Variants in SOCS5 observed in about 807,000 individuals in gnomAD.
SOCS5 encodes suppressor of cytokine signaling 5, also known as CIS-6.
SOCS5 carries 32 observed loss-of-function variants against 42.8 expected under a neutral mutation model. The observed-to-expected ratio is 0.75, with a 90% CI of 0.56 to 1.01. The LOEUF is 1.01. SOCS5 is among the 50% of genes least tolerant of loss of function. SOCS5 has a pLI of 0.00. For missense variants in SOCS5, 627 were observed against 653.0 expected (o/e 0.96, Z 0.43); for synonymous variants, 283 against 229.6 (o/e 1.23, Z -2.10).
At chr2:46,738,918 A>G (rs1264678440) in intron 1 of SOCS5, among the ~76,000 whole-genome samples, 2 of 152,230 alleles carry the variant, frequency 1.3e-5, no homozygotes, top group East Asian at 1.9e-4. Context: ...CAGAACCAGG[A>G]TAAGAACGCA....
intron 1 of SOCS5, among the ~76,000 whole-genome samples, chr2:46,715,731 T>G (rs544662987): frequency 7.9e-5 from 12 of 152,368 alleles, no homozygotes; most frequent in Non-Finnish European, 1.5e-4. Flanking sequence ...TTTTAAGATT[T>G]CGTTTGTATC....
At position 46,760,192 on chromosome 2, in the gene SOCS5, G is replaced by A. The variant is rs775757336; in HGVS notation, c.*51G>A. The A allele has an allele frequency of 2.2e-5, 30 of 1,350,496 alleles. No homozygotes were observed. The highest frequency in any genetic ancestry group is 2.9e-5 in the Non-Finnish European group (28 of 961,384). The allele number at this position is 1,350,496 out of a possible 1,614,324, so 83.7% of individuals were successfully genotyped here. On this transcript the variant is annotated 3_prime_UTR_variant, in exon 2 of 2. Coordinates refer to ENST00000394861, the MANE Select transcript of SOCS5 (RefSeq NM_144949.3). ...ACTAGGTCCGCTTTCATGTGCATCA[G>A]ACAGTACACCTATAGCAAGCACACG... is the stretch of plus-strand genomic sequence containing the variant.
At chr2:46,721,232 T>TTA (rs1368232332) in intron 1 of SOCS5, among the ~76,000 whole-genome samples, 1 of 152,172 alleles carries the variant, frequency 6.6e-6, no homozygotes, top group Non-Finnish European at 1.5e-5. Context: ...TATTTAGATG[T>TTA]TATTCCCTAA....
At chr2:46,701,042 A>T (rs1320934142) in intron 1 of SOCS5, among the ~76,000 whole-genome samples, 1 of 152,214 alleles carries the variant, frequency 6.6e-6, no homozygotes, top group Non-Finnish European at 1.5e-5. Context: ...TTCTTGAATA[A>T]CTAATGGATA....
At chr2:46,722,452 T>G (rs1008514022) in intron 1 of SOCS5, among the ~76,000 whole-genome samples, 1 of 152,172 alleles carries the variant, frequency 6.6e-6, no homozygotes, top group Non-Finnish European at 1.5e-5. Context: ...CAAGCTGGCT[T>G]CTTTTATTCA....
At chr2:46,726,437 A>G (rs995300741) in intron 1 of SOCS5, among the ~76,000 whole-genome samples, 8 of 152,090 alleles carry the variant, frequency 5.3e-5, no homozygotes, top group African/African-American at 1.9e-4. Context: ...GTGCTTCTAG[A>G]ATCTGATATA....
chr2:46,728,750 T>G (rs1673048152), intron 1 of SOCS5, among the ~76,000 whole-genome samples: 1 of 152,198 alleles, frequency 6.6e-6, no homozygotes, highest in African/African-American at 2.4e-5. Flanking sequence ...GAGATGGGGC[T>G]TCTCCATGTT....
chr2:46,741,913 C>G (rs866319552), intron 1 of SOCS5, among the ~76,000 whole-genome samples: 1 of 152,138 alleles, frequency 6.6e-6, no homozygotes, highest in Non-Finnish European at 1.5e-5. Context: ...AATTGGGAAG[C>G]CTTAGATAGA....
chr2:46,717,573 G>C (rs1048837270), intron 1 of SOCS5, among the ~76,000 whole-genome samples: 1 of 151,412 alleles, frequency 6.6e-6, no homozygotes, highest in Admixed American at 6.6e-5. Context: ...GTAATCTTCC[G>C]GTTTATATTA....
chr2:46,729,949 C>T (rs1297113167), intron 1 of SOCS5, among the ~76,000 whole-genome samples: 1 of 152,080 alleles, frequency 6.6e-6, no homozygotes, highest in African/African-American at 2.4e-5. Flanking sequence ...ATTCTATAAG[C>T]TTTTTTCTGT....
intron 1 of SOCS5, among the ~76,000 whole-genome samples, chr2:46,751,806 A>G (rs1385416394): frequency 6.6e-6 from 1 of 151,976 alleles, no homozygotes; most frequent in Non-Finnish European, 1.5e-5. Context: ...TTGGCAAACT[A>G]TGGCGTATGG....
Position 46,713,183 on chromosome 2 carries a change from C to T in SOCS5, c.-13+13734C>T, listed in dbSNP as rs569728232. Among the ~76,000 whole-genome samples, 14 of 152,194 alleles carry T rather than the reference C, an allele frequency of 9.2e-5. No homozygotes were observed. The East Asian group carries it at 1.7e-3, about 19-fold the overall frequency. On this transcript the variant is annotated intron_variant, in intron 1 of 1. Transcript: ENST00000394861. ...CCAGCTTGGGCAACATAGGCAGACC[C>T]CATCTCTACCAAAAATTTAAAAACT...
intron 1 of SOCS5, among the ~76,000 whole-genome samples, chr2:46,753,486 A>G (rs529973076): frequency 1.3e-5 from 2 of 152,306 alleles, no homozygotes; most frequent in South Asian, 2.1e-4. Flanking sequence ...GAATATAACT[A>G]TGTTCATTTG....
intron 1 of SOCS5, among the ~76,000 whole-genome samples, chr2:46,746,646 C>CA (rs555249093): frequency 0.076 from 9,889 of 129,860 alleles, 345 homozygotes; most frequent in Middle Eastern, 0.14. Flanking sequence ...GACTCCATCT[C>CA]AAAAAAAAAA....
chr2:46,759,595 A>G lies in SOCS5; in HGVS notation c.1065A>G (p.Gly355=). ...GCCATACCCATGTTAGCAGACAGGG[A>G]GCTTGGAAAGTCCACACACAGATTG... ...GDSHTHVSRQ[G]AWKVHTQIDY... is the part of the protein sequence containing the mutation. The change falls in exon 2 of 2, where the codon GGA becomes GGG. Residue 355 remains glycine (G), a synonymous_variant. Coordinates refer to ENST00000394861, the MANE Select transcript of SOCS5 (RefSeq NM_144949.3). 2.5e-6 allele frequency: 4 copies of G among 1,613,940 alleles called. No individual in the cohort carries two copies. Among genetic ancestry groups the G allele is most frequent in the Non-Finnish European group, 3.4e-6 (4 of 1,179,856 alleles).
intron 1 of SOCS5, among the ~76,000 whole-genome samples, chr2:46,728,528 G>A (rs1292973852): frequency 6.6e-6 from 1 of 152,102 alleles, no homozygotes; most frequent in African/African-American, 2.4e-5. Flanking sequence ...GTTTACCTGT[G>A]TCCATAGATG....
chr2:46,759,985 G>A lies in SOCS5; in HGVS notation c.1455G>A (p.Gln485=). The change falls in exon 2 of 2, where the codon CAG becomes CAA. Residue 485 remains glutamine, a synonymous_variant. Coordinates refer to ENST00000394861, the MANE Select transcript of SOCS5 (RefSeq NM_144949.3). ...ATAGGACTTTCCCTTTTAGCCTGCAGTATATCTGTCGCGCGGTAATCTGCA... is the reference window on the plus strand; with the variant it reads ...ATAGGACTTTCCCTTTTAGCCTGCAATATATCTGTCGCGCGGTAATCTGCA... ...SLNRTFPFSL[Q]YICRAVICRC... The A allele has an allele frequency of 6.2e-7, 1 of 1,614,158 alleles. No homozygotes were observed.
intron 1 of SOCS5, among the ~76,000 whole-genome samples, chr2:46,733,658 C>G (rs1673178590): frequency 6.7e-6 from 1 of 148,212 alleles, no homozygotes; most frequent in Non-Finnish European, 1.5e-5. Flanking sequence ...TTAAAAAAAG[C>G]TATAACATTC....
chr2:46,727,425 TG>T, intron 1 of SOCS5, among the ~76,000 whole-genome samples: 1 of 152,360 alleles, frequency 6.6e-6, no homozygotes, highest in East Asian at 1.9e-4. Context: ...GATTGCATCC[TG>T]GGCATCTTCA....
Sources: allele counts gnomAD v4.1 joint callset (sites outside exome capture counted in the v4.1 genomes callset), GRCh38; gene constraint gnomAD v4.1.1; transcripts MANE v1.5; gene names NCBI Gene and HGNC (gene_info 2026-07-23, HGNC 2026-07-21).